DOCK5: variants seen among roughly 807,000 people sequenced by gnomAD.
DOCK5 encodes the protein dedicator of cytokinesis protein 5.
A neutral mutation model predicts 251.8 loss-of-function variants in DOCK5; 142 were observed. That is an observed-to-expected ratio of 0.56 (90% CI 0.49 to 0.65). DOCK5 has a LOEUF of 0.65. Among genes scored for constraint, DOCK5 ranks in the 30% least tolerant of loss-of-function variants. DOCK5 has a pLI of 0.00. For missense variants in DOCK5, 2,111 were observed against 2,312.3 expected (o/e 0.91, Z 1.79); for synonymous variants, 842 against 835.5 (o/e 1.01, Z -0.13).
intron 13 of DOCK5, among the ~76,000 whole-genome samples, chr8:25,312,170 A>G (rs1169907748): frequency 1.3e-5 from 2 of 152,134 alleles, no homozygotes; most frequent in Non-Finnish European, 2.9e-5. Flanking sequence ...CCTGATATAC[A>G]TTCATCAACA....
chr8:25,390,172 C>G, intron 41 of DOCK5, 34 bp from the exon 42 acceptor site: 1 of 1,550,858 alleles, frequency 6.4e-7, no homozygotes, highest in Non-Finnish European at 8.7e-7. Context: ...CTTCACGACC[C>G]CAGCCCCTCT....
At position 25,188,983 on chromosome 8, in the gene DOCK5, C is replaced by T. The variant is rs1801504283; in HGVS notation, c.43+4032C>T. Reference sequence around the variant, plus strand: ...CAAGCCATTATGTAAAGAATAGCCCCAGATTAGGTTGACTATGGATTCTTT... The same window carrying T: ...CAAGCCATTATGTAAAGAATAGCCCTAGATTAGGTTGACTATGGATTCTTT... On this transcript the variant is annotated intron_variant, in intron 1 of 51. Transcript: ENST00000276440. 2.0e-5 allele frequency among the ~76,000 whole-genome samples: 3 copies of T among 151,664 alleles called. No individual in the cohort carries two copies. In the South Asian group the frequency reaches 6.3e-4, roughly 32 times the overall value.
intron 1 of DOCK5, among the ~76,000 whole-genome samples, chr8:25,218,630 T>A (rs1463457547): frequency 6.6e-6 from 1 of 152,192 alleles, no homozygotes; most frequent in African/African-American, 2.4e-5. Flanking sequence ...CTGGGGGCAA[T>A]GGACAATGCA....
chr8:25,307,293 AT>A (rs982413380), intron 11 of DOCK5, among the ~76,000 whole-genome samples: 1 of 151,876 alleles, frequency 6.6e-6, no homozygotes, highest in East Asian at 1.9e-4. Context: ...TAATTTTTCT[AT>A]TTTTAGTAGA....
At position 25,198,796 on chromosome 8, in the gene DOCK5, A is replaced by G. The variant is rs144818362; in HGVS notation, c.43+13845A>G. On this transcript the variant is annotated intron_variant, in intron 1 of 51. Transcript: ENST00000276440. ...AAATTTTTGTTTCAACTTGCTGTCTATCTTTCTCCTTACTTACAACTCTGG... is the reference window on the plus strand; with the variant it reads ...AAATTTTTGTTTCAACTTGCTGTCTGTCTTTCTCCTTACTTACAACTCTGG... 5.3e-5 allele frequency among the ~76,000 whole-genome samples: 8 copies of G among 152,300 alleles called. No homozygotes were observed. The East Asian group carries it at 1.4e-3, about 26-fold the overall frequency.
At chr8:25,209,182 C>G (rs1255748653) in intron 1 of DOCK5, among the ~76,000 whole-genome samples, 5 of 73,586 alleles carry the variant, frequency 6.8e-5, no homozygotes, top group Non-Finnish European at 1.8e-4. Flanking sequence ...CACATTAGCG[C>G]CGTCATCCCT....
At chr8:25,373,153 C>T (rs1226761792) in intron 35 of DOCK5, among the ~76,000 whole-genome samples, 3 of 152,118 alleles carry the variant, frequency 2.0e-5, no homozygotes, top group Non-Finnish European at 4.4e-5. Flanking sequence ...GCACGCGCCA[C>T]CATGCCCAGC....
intron 2 of DOCK5, among the ~76,000 whole-genome samples, chr8:25,248,643 A>G (rs1435119303): frequency 6.6e-6 from 1 of 151,924 alleles, no homozygotes; most frequent in Non-Finnish European, 1.5e-5. Context: ...ACAGAATACT[A>G]TTTTTGATTC....
intron 1 of DOCK5, among the ~76,000 whole-genome samples, chr8:25,217,122 A>G (rs1203961491): frequency 1.3e-5 from 2 of 149,186 alleles, no homozygotes; most frequent in Non-Finnish European, 3.0e-5. Flanking sequence ...ATATATGTGT[A>G]TATATACACG....
At chr8:25,280,012 G>A (rs1399889901) in intron 5 of DOCK5, among the ~76,000 whole-genome samples, 1 of 152,222 alleles carries the variant, frequency 6.6e-6, no homozygotes, top group East Asian at 1.9e-4. Context: ...TGATCCAACT[G>A]TCTTGGCCTC....
At chr8:25,244,208 A>G (rs1464325421) in intron 2 of DOCK5, among the ~76,000 whole-genome samples, 1 of 152,220 alleles carries the variant, frequency 6.6e-6, no homozygotes, top group Non-Finnish European at 1.5e-5. Flanking sequence ...AAATTAGGTC[A>G]TGACTGCAGC....
In DOCK5 at chr8:25,366,976, T is replaced by G; in HGVS notation, c.3224+6T>G. 1 of 1,611,740 alleles carries G rather than the reference T, an allele frequency of 6.2e-7. No individual in the cohort carries two copies. The highest frequency in any genetic ancestry group is 8.5e-7 in the Non-Finnish European group (1 of 1,178,018). ...CGCAACAAAATTGTTAAAAAGTAAG[T>G]GTCCTTTTAAAGTTAAGATCGGGAA... is the stretch of plus-strand genomic sequence containing the variant. On this transcript the variant is annotated splice_donor_region_variant and intron_variant, in intron 31 of 51. Transcript: ENST00000276440.
chr8:25,347,814 T>G (rs1800396829), intron 26 of DOCK5, among the ~76,000 whole-genome samples: 3 of 152,222 alleles, frequency 2.0e-5, no homozygotes, highest in Admixed American at 6.5e-5. Context: ...TATGTAGGAA[T>G]TGTTCTAGAC....
At chr8:25,342,895 CG>C (rs1800268043) in intron 25 of DOCK5, among the ~76,000 whole-genome samples, 2 of 150,736 alleles carry the variant, frequency 1.3e-5, no homozygotes, top group African/African-American at 4.9e-5. Flanking sequence ...TTAGTAAAGA[CG>C]GGGTTTCACC....
intron 11 of DOCK5, among the ~76,000 whole-genome samples, chr8:25,306,881 A>C (rs1440473154): frequency 6.6e-6 from 1 of 152,178 alleles, no homozygotes; most frequent in Non-Finnish European, 1.5e-5. Context: ...CATAGAGTGT[A>C]CTTACACAAA....
intron 20 of DOCK5, 61 bp downstream of exon 20, chr8:25,332,753 C>T: frequency 7.9e-7 from 1 of 1,262,474 alleles, no homozygotes; most frequent in Admixed American, 2.2e-5. Flanking sequence ...TTCAATATTT[C>T]ACTATTATAA....
In DOCK5 at chr8:25,327,305, T is replaced by C. The variant is rs558694005; in HGVS notation, c.1903+1758T>C. Among the ~76,000 whole-genome samples, 7 of 152,348 alleles carry C rather than the reference T, an allele frequency of 4.6e-5. No individual in the cohort carries two copies. In the South Asian group the frequency reaches 8.3e-4, roughly 18 times the overall value. On this transcript the variant is annotated intron_variant, in intron 18 of 51. Transcript: ENST00000276440. ...TTTTGGTATTTTCCAAATTTTTAACTATGAAATGTCAAAATGTTATTTTTT... is the reference window on the plus strand; with the variant it reads ...TTTTGGTATTTTCCAAATTTTTAACCATGAAATGTCAAAATGTTATTTTTT...
intron 48 of DOCK5, among the ~76,000 whole-genome samples, chr8:25,406,598 A>G (rs1449018974): frequency 6.6e-6 from 1 of 151,846 alleles, no homozygotes; most frequent in Non-Finnish European, 1.5e-5. Flanking sequence ...TTTTTATTAT[A>G]AGCATTTGTC....
chr8:25,377,287 G>C lies in DOCK5; in HGVS notation c.3817-18G>C. The stretch of plus-strand genomic sequence containing the variant: ...ATATTTGTTGTATTAACCGTGTGTC[G>C]CTTTTCTTCCTTTTCAGTGGTCTGA... On this transcript the variant is annotated intron_variant, in intron 37 of 51. Coordinates refer to ENST00000276440, the MANE Select transcript of DOCK5 (RefSeq NM_024940.8). 6.3e-7 allele frequency: 1 copy of C among 1,599,828 alleles called. No homozygotes were observed. Among genetic ancestry groups the C allele is most frequent in the Non-Finnish European group, 8.5e-7 (1 of 1,173,608 alleles).
Sources: gnomAD v4.1 joint callset for allele counts (sites outside exome capture counted in the v4.1 genomes callset) on GRCh38, gnomAD v4.1.1 for gene constraint, MANE v1.5 for transcripts, NCBI Gene and HGNC (gene_info 2026-07-23, HGNC 2026-07-21) for gene names.